The following RARB variants were observed in gnomAD, a reference collection of about 807,000 sequenced individuals.
RARB encodes HBV-activated protein.
Under a neutral mutation model 51.9 loss-of-function variants are expected in RARB, and 17 were observed. The observed-to-expected ratio is 0.33, with a 90% CI of 0.22 to 0.49. The LOEUF is 0.49. Among genes scored for constraint, RARB ranks in the 20% least tolerant of loss-of-function variants. The pLI is 0.99. For missense variants in RARB, 369 were observed against 550.8 expected, an observed-to-expected ratio of 0.67 and a Z score of 3.30; for synonymous variants, 215 against 195.4, an observed-to-expected ratio of 1.10 and a Z score of -0.84.
chr3:25,095,812 A>C lies in RARB; in HGVS notation c.-328+35636A>C, dbSNP rs192670021. ...AAGTATTGTCATCTGATTTCACTTT[A>C]GTCACTTGTAGTTCTTCTTTCCTGA... On this transcript the variant is annotated intron_variant, in intron 3 of 11. Coordinates refer to the RARB transcript ENST00000383772. Among the ~76,000 whole-genome samples the C allele has an allele frequency of 2.1e-4, 32 of 152,308 alleles. No homozygotes were observed. The East Asian group carries it at 3.5e-3, about 17-fold the overall frequency.
chr3:25,514,941 T>C (rs933491509), intron 3 of RARB, among the ~76,000 whole-genome samples: 1 of 152,214 alleles, frequency 6.6e-6, no homozygotes, highest in African/African-American at 2.4e-5. Context: ...TATTGTGTCC[T>C]TGGACTTTCA....
At chr3:25,553,784 C>T (rs1259112150) in intron 3 of RARB, among the ~76,000 whole-genome samples, 1 of 152,194 alleles carries the variant, frequency 6.6e-6, no homozygotes, top group Non-Finnish European at 1.5e-5. Context: ...CATCCAACAT[C>T]TCTCAGGCAC....
intron 2 of RARB, among the ~76,000 whole-genome samples, chr3:24,869,894 T>C (rs952289711): frequency 6.6e-6 from 1 of 152,114 alleles, no homozygotes; most frequent in Non-Finnish European, 1.5e-5. Context: ...CCAGTTGTTT[T>C]ATACGTTCAT....
At chr3:24,947,746 T>G (rs1416591977) in intron 2 of RARB, among the ~76,000 whole-genome samples, 2 of 152,178 alleles carry the variant, frequency 1.3e-5, no homozygotes, top group African/African-American at 4.8e-5. Flanking sequence ...GGAACTCAGG[T>G]AAGGATACCG....
intron 5 of RARB, among the ~76,000 whole-genome samples, chr3:25,307,433 G>T (rs1024022038): frequency 6.6e-6 from 1 of 151,876 alleles, no homozygotes; most frequent in Non-Finnish European, 1.5e-5. Context: ...TCTTGGCATA[G>T]TCTTGATGTG....
At chr3:25,527,871 G>T (rs562935677) in intron 3 of RARB, among the ~76,000 whole-genome samples, 2 of 151,958 alleles carry the variant, frequency 1.3e-5, no homozygotes, top group Non-Finnish European at 2.9e-5. Flanking sequence ...CCTCCCCTTC[G>T]CCCCCCACAG....
chr3:25,518,809 A>G (rs976424141), intron 3 of RARB, among the ~76,000 whole-genome samples: 3 of 152,200 alleles, frequency 2.0e-5, no homozygotes, highest in Non-Finnish European at 2.9e-5. Flanking sequence ...TAACTTACAT[A>G]TCTTAATGGC....
chr3:25,382,675 G>A (rs1444833733), intron 5 of RARB, among the ~76,000 whole-genome samples: 1 of 152,194 alleles, frequency 6.6e-6, no homozygotes, highest in Non-Finnish European at 1.5e-5. Context: ...GGCCAACATG[G>A]TGAAGCCCCA....
chr3:25,227,078 GA>G (rs1408038982), intron 5 of RARB, among the ~76,000 whole-genome samples: 113 of 152,342 alleles, frequency 7.4e-4, no homozygotes, highest in Non-Finnish European at 2.5e-4. Context: ...ACACTGTAAA[GA>G]TGTTGCTTAG....
chr3:25,520,799 C>A (rs1188153265), intron 3 of RARB, among the ~76,000 whole-genome samples: 1 of 152,190 alleles, frequency 6.6e-6, no homozygotes, highest in East Asian at 1.9e-4. Context: ...CAGCTCATGA[C>A]AAACTTATTA....
intron 3 of RARB, among the ~76,000 whole-genome samples, chr3:25,512,957 G>C (rs2125622824): frequency 6.6e-6 from 1 of 152,176 alleles, no homozygotes; most frequent in South Asian, 2.1e-4. Context: ...TGTGAGCCTA[G>C]TGCCTTGTAC....
intron 1 of RARB, among the ~76,000 whole-genome samples, chr3:25,443,527 G>A (rs561142855): frequency 7.3e-5 from 11 of 151,212 alleles, no homozygotes; most frequent in East Asian, 3.9e-4. Context: ...CAGGAGAATC[G>A]CTTAAAACCC....
chr3:25,540,995 CT>C (rs1699355832), intron 3 of RARB, among the ~76,000 whole-genome samples: 1 of 152,132 alleles, frequency 6.6e-6, no homozygotes, highest in Non-Finnish European at 1.5e-5. Context: ...CTCTAATGAC[CT>C]AAATCAGGGG....
In RARB at chr3:25,257,496, C is replaced by T. The variant is rs113639285; in HGVS notation, c.178+82921C>T. Among the ~76,000 whole-genome samples, 422 of 152,060 alleles carry T rather than the reference C, an allele frequency of 2.8e-3. 2 individuals are homozygous for T. The highest frequency in any genetic ancestry group is 9.8e-3 in the African/African-American group (407 of 41,486). On this transcript the variant is annotated intron_variant, in intron 5 of 11. Coordinates refer to the RARB transcript ENST00000383772. ...GATCTCTGTGTCTAGGAGAAGAAAACCAGGACAGAAGAGTTGGAACTAGGG... is the reference window on the plus strand; with the variant it reads ...GATCTCTGTGTCTAGGAGAAGAAAATCAGGACAGAAGAGTTGGAACTAGGG...
intron 2 of RARB, among the ~76,000 whole-genome samples, chr3:24,931,945 C>T (rs867500017): frequency 6.6e-6 from 1 of 152,042 alleles, no homozygotes; most frequent in African/African-American, 2.4e-5. Flanking sequence ...TGTTTCCAGA[C>T]TTATGTTTCT....
intron 2 of RARB, among the ~76,000 whole-genome samples, chr3:24,979,297 T>G (rs1010376584): frequency 7.2e-5 from 11 of 152,230 alleles, no homozygotes; most frequent in African/African-American, 2.7e-4. Context: ...GGTCAAGTCC[T>G]GGATATCCTT....
At chr3:24,890,829 A>G (rs1703363254) in intron 2 of RARB, among the ~76,000 whole-genome samples, 2 of 151,750 alleles carry the variant, frequency 1.3e-5, no homozygotes, top group African/African-American at 2.4e-5. Context: ...ATGATATGTG[A>G]ATGAGGGCTC....
intron 3 of RARB, among the ~76,000 whole-genome samples, chr3:25,090,262 C>G (rs1292251559): frequency 6.6e-6 from 1 of 152,020 alleles, no homozygotes; most frequent in Admixed American, 6.6e-5. Flanking sequence ...TTTTTAAGTT[C>G]TTGGGAAAAA....
At chr3:25,511,269 AC>A (rs1697881809) in intron 3 of RARB, among the ~76,000 whole-genome samples, 1 of 152,094 alleles carries the variant, frequency 6.6e-6, no homozygotes, top group African/African-American at 2.4e-5. Context: ...AGTAGCTGGG[AC>A]TACAGGCGCC....
Sources: allele counts gnomAD v4.1 joint callset (sites outside exome capture counted in the v4.1 genomes callset), GRCh38; gene constraint gnomAD v4.1.1; transcripts MANE v1.5; gene names NCBI Gene and HGNC (gene_info 2026-07-23, HGNC 2026-07-21).